Variants in LGR6 observed in about 807,000 individuals in gnomAD.
LGR6 encodes the protein leucine-rich repeat-containing G protein-coupled receptor 6.
In LGR6, 45 loss-of-function variants were observed where a neutral mutation model predicts 69.4. That is an observed-to-expected ratio of 0.65 (90% confidence interval 0.51 to 0.83). LGR6 has a LOEUF of 0.83. LGR6 is among the 40% of genes least tolerant of loss of function. The pLI is 0.00. For missense variants in LGR6, 1,108 were observed against 1,246.7 expected (o/e 0.89, Z 1.68); for synonymous variants, 538 against 555.0 (o/e 0.97, Z 0.43).
At chr1:202,253,391 C>T (rs879700929) in intron 4 of LGR6, among the ~76,000 whole-genome samples, 4 of 151,982 alleles carry the variant, frequency 2.6e-5, no homozygotes, top group Non-Finnish European at 4.4e-5. Flanking sequence ...CAATCTCCGC[C>T]TCCTGGGTTC....
At chr1:202,276,781 G>A (rs1665596279) in intron 5 of LGR6, among the ~76,000 whole-genome samples, 1 of 152,136 alleles carries the variant, frequency 6.6e-6, no homozygotes, top group Admixed American at 6.5e-5. Flanking sequence ...CAGAAAATAG[G>A]AATTAAGCCA....
At chr1:202,270,429 A>G (rs1036714119) in intron 4 of LGR6, among the ~76,000 whole-genome samples, 3 of 151,528 alleles carry the variant, frequency 2.0e-5, no homozygotes, top group Admixed American at 2.0e-4. Flanking sequence ...TTTAGTAGAG[A>G]TGGGGTTTCC....
At chr1:202,213,247 T>TC (rs1659531680) in intron 1 of LGR6, among the ~76,000 whole-genome samples, 1 of 151,888 alleles carries the variant, frequency 6.6e-6, no homozygotes, top group South Asian at 2.1e-4. Flanking sequence ...TGTCCTCTTC[T>TC]CCCCCTAGAC....
intron 16 of LGR6, among the ~76,000 whole-genome samples, chr1:202,311,591 C>T (rs995865101): frequency 3.4e-4 from 51 of 152,090 alleles, no homozygotes; most frequent in African/African-American, 1.1e-3. Context: ...GCCCAGGAGG[C>T]GGAGGTTATA....
intron 4 of LGR6, among the ~76,000 whole-genome samples, chr1:202,266,106 T>TAAAAAAAAAA (rs35998973): frequency 7.0e-6 from 1 of 143,868 alleles, no homozygotes; most frequent in Non-Finnish European, 1.5e-5. Context: ...CTTTCCAGAT[T>TAAAAAAAAAA]AAAAAAAAAA....
intron 4 of LGR6, among the ~76,000 whole-genome samples, chr1:202,238,870 G>A (rs2148010660): frequency 6.6e-6 from 1 of 152,276 alleles, no homozygotes; most frequent in East Asian, 1.9e-4. Flanking sequence ...AAGTTAAGAA[G>A]GAACCTGAAA....
At position 202,301,455 on chromosome 1, in the gene LGR6, C is replaced by T. The variant is rs532531013; in HGVS notation, c.929+220C>T. Among the ~76,000 whole-genome samples, 61 of 152,344 alleles carry T rather than the reference C, an allele frequency of 4.0e-4. 1 individual carries two copies. The highest frequency in any genetic ancestry group is 1.4e-3 in the African/African-American group (59 of 41,594). On this transcript the variant is annotated intron_variant, in intron 9 of 17. Transcript: ENST00000367278. ...CCACCTCCCTGAACTGTGGCTTCTT[C>T]CCAGGTCTCAAAGGGACAAGGAAGG...
chr1:202,212,800 T>TA (rs1249904573), intron 1 of LGR6, among the ~76,000 whole-genome samples: 1 of 152,142 alleles, frequency 6.6e-6, no homozygotes, highest in Non-Finnish European at 1.5e-5. Context: ...GACACACCTT[T>TA]AGGGAGGCCA....
rs117270622 is a variant in LGR6, at chr1:202,311,826, C to T, written c.1567+1469C>T. Among the ~76,000 whole-genome samples the T allele has an allele frequency of 9.3e-4, 142 of 152,218 alleles. No homozygotes were observed. In the East Asian group the frequency reaches 0.02, roughly 22 times the overall value. ...ATAGGGAGAGTGCAACTGTGGAGTC[C>T]GGGGCACAGTGTATGGAGGGCAAAT... On this transcript the variant is annotated intron_variant, in intron 16 of 17. Transcript: ENST00000367278.
In LGR6 at chr1:202,214,606, G is replaced by C. The variant is rs1265214226; in HGVS notation, c.213-10817G>C. On this transcript the variant is annotated intron_variant, in intron 1 of 17. Transcript: ENST00000367278. ...CCAATTCTTAACTTTGTGGCACAGT[G>C]GGAAGTAACTTGATATTTCCGAATC... is the stretch of plus-strand genomic sequence containing the variant. Among the ~76,000 whole-genome samples, 3 of 152,166 alleles carry C rather than the reference G, an allele frequency of 2.0e-5. No individual in the cohort carries two copies. The East Asian group carries it at 5.8e-4, about 29-fold the overall frequency.
Position 202,319,422 on chromosome 1 carries a change from C to G in LGR6, c.*215C>G. On this transcript the variant is annotated 3_prime_UTR_variant, in exon 18 of 18. Transcript: ENST00000367278. ...TTCCCTTGGCCTTCCTCAGCTTCACCTTGATACTGGGCCTCTTCCTTGTCA... is the reference window on the plus strand; with the variant it reads ...TTCCCTTGGCCTTCCTCAGCTTCACGTTGATACTGGGCCTCTTCCTTGTCA... 1.8e-6 allele frequency: 1 copy of G among 542,078 alleles called. No individual in the cohort carries two copies. Among genetic ancestry groups the G allele is most frequent in the South Asian group, 2.8e-5 (1 of 35,282 alleles). The allele number at this position is 542,078 out of a possible 1,614,324, so 33.6% of individuals were successfully genotyped here.
At position 202,255,935 on chromosome 1, in the gene LGR6, C is replaced by T. The variant is rs748741887; in HGVS notation, c.428+19942C>T. Among the ~76,000 whole-genome samples, 9 of 152,262 alleles carry T rather than the reference C, an allele frequency of 5.9e-5. No homozygotes were observed. In the East Asian group the frequency reaches 7.7e-4, roughly 13 times the overall value. On this transcript the variant is annotated intron_variant, in intron 4 of 17. Transcript: ENST00000367278. ...GTTCTCTCTTTTAAAATATGCAATT[C>T]GGTGATTATTAGCATATTTACCAAG... is the stretch of plus-strand genomic sequence containing the variant.
chr1:202,248,823 G>T (rs1662980023), intron 4 of LGR6, among the ~76,000 whole-genome samples: 1 of 152,152 alleles, frequency 6.6e-6, no homozygotes, highest in Non-Finnish European at 1.5e-5. Flanking sequence ...TCTCCAGAAG[G>T]TGTCCTGCCT....
rs1553239200 is a variant in LGR6 at position 202,210,438 on chromosome 1, A to AAC, written c.213-14984_213-14983insCA. Among the ~76,000 whole-genome samples, 37 of 151,780 alleles carry AAC rather than the reference A, an allele frequency of 2.4e-4. No individual in the cohort carries two copies. In the South Asian group the frequency reaches 3.3e-3, roughly 14 times the overall value. On this transcript the variant is annotated intron_variant, in intron 1 of 17. Transcript: ENST00000367278. ...GGGAGGTACAGAGCAGAAAAAAAAAAAAAAACAAAAACCCTAGGCTGGAGC... is the reference window on the plus strand; with the variant it reads ...GGGAGGTACAGAGCAGAAAAAAAAAAACAAAAACAAAAACCCTAGGCTGGAGC...
intron 1 of LGR6, among the ~76,000 whole-genome samples, chr1:202,224,538 T>C (rs1660375043): frequency 6.6e-6 from 1 of 152,156 alleles, no homozygotes; most frequent in Non-Finnish European, 1.5e-5. Flanking sequence ...GAAGATAATT[T>C]TTTTCCACGG....
intron 4 of LGR6, among the ~76,000 whole-genome samples, chr1:202,260,509 T>C (rs1469669227): frequency 3.9e-5 from 6 of 152,162 alleles, no homozygotes; most frequent in African/African-American, 1.4e-4. Flanking sequence ...AATTTTTGTA[T>C]TTTTAGTAGA....
intron 1 of LGR6, among the ~76,000 whole-genome samples, chr1:202,201,037 C>A (rs1658819723): frequency 6.6e-6 from 1 of 152,224 alleles, no homozygotes; most frequent in Non-Finnish European, 1.5e-5. Context: ...CAGAAACCAT[C>A]AGGGGATGCC....
Position 202,318,822 on chromosome 1 carries a change from G to A in LGR6, c.2519G>A (p.Arg840Gln), listed in dbSNP as rs776309158. The A allele has an allele frequency of 1.6e-5, 26 of 1,613,316 alleles. No homozygotes were observed. The Middle Eastern group carries it at 1.5e-3, about 92-fold the overall frequency. ...CCCCACTTCCGGGATGACCTTCGGC[G>A]GCTTCGGCCCCGCGCAGGGGACTCA... The part of the protein sequence containing the change: ...FNPHFRDDLR[R>Q]LRPRAGDSGP... The change falls in exon 18 of 18, where the codon CGG becomes CAG. Residue 840 changes from arginine (R) to glutamine (Q), a missense_variant. Transcript: ENST00000367278.
chr1:202,207,148 C>G lies in LGR6; in HGVS notation c.212+12947C>G, dbSNP rs567664979. Among the ~76,000 whole-genome samples, 34 of 152,268 alleles carry G rather than the reference C, an allele frequency of 2.2e-4. No homozygotes were observed. The South Asian group carries it at 7.0e-3, about 32-fold the overall frequency. ...GCCAGGCTGGTCTCGAACTCCTGACCTCAGGTGATCCACCCACCTTGACCT... is the reference window on the plus strand; with the variant it reads ...GCCAGGCTGGTCTCGAACTCCTGACGTCAGGTGATCCACCCACCTTGACCT... On this transcript the variant is annotated intron_variant, in intron 1 of 17. Coordinates refer to ENST00000367278, the MANE Select transcript of LGR6 (RefSeq NM_001017403.2).
Sources: gnomAD v4.1 joint callset for allele counts (sites outside exome capture counted in the v4.1 genomes callset) on GRCh38, gnomAD v4.1.1 for gene constraint, MANE v1.5 for transcripts, NCBI Gene and HGNC (gene_info 2026-07-23, HGNC 2026-07-21) for gene names.